The following PCAT7 variants were observed in gnomAD, a reference collection of about 807,000 sequenced individuals.
PCAT7 encodes the protein prostate cancer associated transcript 7 (non-protein coding).
intron 2 of PCAT7, chr9:94,570,363 G>C (rs1377564341): frequency 6.6e-6 from 1 of 152,184 alleles, no homozygotes; most frequent in East Asian, 1.9e-4. Flanking sequence ...TCACTAGCTT[G>C]ACCTTGCGCA....
intron 2 of PCAT7, chr9:94,563,197 G>T: frequency 1.1e-6 from 1 of 878,958 alleles, no homozygotes; most frequent in Non-Finnish European, 1.7e-6. Context: ...CTCACTCAAG[G>T]GAAACAGAGT....
chr9:94,565,267 C>T (rs1029371041), intron 2 of PCAT7, among the ~76,000 whole-genome samples: 4 of 149,480 alleles, frequency 2.7e-5, no homozygotes, highest in Admixed American at 6.8e-5. Flanking sequence ...CCCAGCTACT[C>T]GGGAGGCTGA....
At chr9:94,556,519 T>G (rs1210693587) in intron 1 of PCAT7, among the ~76,000 whole-genome samples, 1 of 152,124 alleles carries the variant, frequency 6.6e-6, no homozygotes, top group Non-Finnish European at 1.5e-5. Context: ...AGGTTTTGGG[T>G]AGATTTTTAA....
At chr9:94,567,305 T>A (rs112480079) in intron 2 of PCAT7, 93 of 1,614,070 alleles carry the variant, frequency 5.8e-5, no homozygotes, top group Middle Eastern at 3.3e-4. Flanking sequence ...TATTCAGTGG[T>A]GGCCGCATCA....
intron 3 of PCAT7, among the ~76,000 whole-genome samples, chr9:94,573,542 G>A (rs1473091943): frequency 1.3e-5 from 2 of 152,130 alleles, no homozygotes; most frequent in African/African-American, 4.8e-5. Context: ...ATGAATGAGT[G>A]TTGAATTTGT....
At chr9:94,571,189 G>C (rs181907650) in intron 2 of PCAT7, among the ~76,000 whole-genome samples, 35 of 152,280 alleles carry the variant, frequency 2.3e-4, no homozygotes, top group Admixed American at 4.6e-4. Flanking sequence ...CAAAGAGATT[G>C]AGTGCATTTT....
chr9:94,571,671 G>C, intron 2 of PCAT7: 1 of 1,412,344 alleles, frequency 7.1e-7, no homozygotes, highest in East Asian at 2.4e-5. Context: ...CCAGGGGCCT[G>C]GGCTTCAGAT....
rs536844492 is a variant in PCAT7 at position 94,555,114 on chromosome 9, T to C, written n.61T>C. The C allele has an allele frequency of 7.9e-5, 12 of 151,722 alleles. 1 individual carries two copies. In the East Asian group the frequency reaches 2.1e-3, roughly 27 times the overall value. The allele number at this position is 151,722 out of a possible 1,614,324, so 9.4% of individuals were successfully genotyped here. Reference sequence around the variant, plus strand: ...TAAATAATGCTGAAGCAGAGTTACGTTTTTTTTGTTGTTGTTTTTTTTGTT... The same window carrying C: ...TAAATAATGCTGAAGCAGAGTTACGCTTTTTTTGTTGTTGTTTTTTTTGTT... On this transcript the variant is annotated non_coding_transcript_exon_variant, in exon 1 of 9. Transcript: ENST00000647389.
chr9:94,570,288 G>A (rs1827253586), intron 2 of PCAT7: 1 of 152,208 alleles, frequency 6.6e-6, no homozygotes, highest in Non-Finnish European at 1.5e-5. Flanking sequence ...GAGCAGTTGT[G>A]TTGGAAATTT....
At chr9:94,567,749 G>A (rs2993963) in intron 2 of PCAT7, 4 of 222,104 alleles carry the variant, frequency 1.8e-5, no homozygotes, top group South Asian at 1.3e-4. Flanking sequence ...GTTCTCACCC[G>A]CAGATTAATG....
intron 2 of PCAT7, among the ~76,000 whole-genome samples, chr9:94,559,313 A>G (rs1827058625): frequency 6.6e-6 from 1 of 152,120 alleles, no homozygotes; most frequent in Admixed American, 6.5e-5. Flanking sequence ...GATGCATCAG[A>G]TGGCACTCAT....
intron 2 of PCAT7, among the ~76,000 whole-genome samples, chr9:94,561,571 T>C (rs1463990290): frequency 2.6e-5 from 4 of 152,060 alleles, no homozygotes; most frequent in Non-Finnish European, 5.9e-5. Context: ...TTCACTGTGT[T>C]AGCCAGGATG....
At chr9:94,572,315 C>A (rs1827278266) in intron 2 of PCAT7, among the ~76,000 whole-genome samples, 1 of 152,174 alleles carries the variant, frequency 6.6e-6, no homozygotes, top group Admixed American at 6.5e-5. Flanking sequence ...GTTACCCCGT[C>A]TCCCACGACA....
intron 2 of PCAT7, chr9:94,567,177 AC>A: frequency 1.5e-6 from 2 of 1,319,148 alleles, no homozygotes; most frequent in Non-Finnish European, 2.2e-6. Context: ...AGTGGCACCA[AC>A]CTCTTTCAGC....
chr9:94,563,235 C>A, intron 2 of PCAT7: 1 of 1,300,526 alleles, frequency 7.7e-7, no homozygotes, highest in South Asian at 1.5e-5. Flanking sequence ...CCCATCCCCA[C>A]ACAGACATGC....
intron 2 of PCAT7, among the ~76,000 whole-genome samples, chr9:94,572,376 G>T (rs1161816698): frequency 1.3e-5 from 2 of 152,020 alleles, no homozygotes; most frequent in Non-Finnish European, 2.9e-5. Context: ...TCATAGATTA[G>T]TGATTCAAAC....
At chr9:94,569,144 A>G (rs2131448786) in intron 2 of PCAT7, 1 of 152,350 alleles carries the variant, frequency 6.6e-6, no homozygotes, top group South Asian at 2.1e-4. Flanking sequence ...CAGTCTAGGA[A>G]GACTCATATC....
At chr9:94,569,533 C>T (rs1204755194) in intron 2 of PCAT7, 2 of 152,266 alleles carry the variant, frequency 1.3e-5, no homozygotes, top group East Asian at 3.8e-4. Context: ...TGATCCACTC[C>T]TGGGGCTGGG....
chr9:94,567,357 T>C (rs1474176874), intron 2 of PCAT7: 61 of 1,614,046 alleles, frequency 3.8e-5, no homozygotes, highest in Non-Finnish European at 5.2e-5. Flanking sequence ...AAATCTTTCC[T>C]TTCTTCTTAA....
Sources: allele counts gnomAD v4.1 joint callset (sites outside exome capture counted in the v4.1 genomes callset), GRCh38; gene constraint gnomAD v4.1.1; transcripts MANE v1.5; gene names NCBI Gene and HGNC (gene_info 2026-07-23, HGNC 2026-07-21).